Variants in YES1 observed in about 807,000 individuals in gnomAD.
YES1 encodes YES proto-oncogene 1, Src family tyrosine kinase, also known as tyrosine-protein kinase Yes.
YES1 carries 39 observed loss-of-function variants against 70.4 expected under a neutral mutation model. The observed-to-expected ratio is 0.55, with a 90% CI of 0.43 to 0.72. The LOEUF (loss-of-function observed/expected upper bound fraction) is 0.72, where lower values mean the gene tolerates loss of function less well. YES1 is among the 30% of genes least tolerant of loss of function. The probability of loss-of-function intolerance (pLI) is 0.00; values close to 1 mark genes in which losing one functional copy is unlikely to be tolerated. For missense variants in YES1, 495 were observed against 644.8 expected (o/e 0.77, Z 2.52); for synonymous variants, 198 against 218.6 (o/e 0.91, Z 0.83).
intron 11 of YES1, among the ~76,000 whole-genome samples, chr18:729,938 T>C (rs938670445): frequency 1.3e-5 from 2 of 152,224 alleles, no homozygotes; most frequent in African/African-American, 4.8e-5. Flanking sequence ...TTTTGAACTC[T>C]TGATAATCAG....
intron 1 of YES1, among the ~76,000 whole-genome samples, chr18:770,693 T>G (rs1905113990): frequency 6.6e-6 from 1 of 152,146 alleles, no homozygotes; most frequent in Non-Finnish European, 1.5e-5. Flanking sequence ...AAAGCTCACT[T>G]TGTTTGTTTC....
At chr18:753,666 T>G (rs1361981139) in intron 2 of YES1, among the ~76,000 whole-genome samples, 1 of 151,912 alleles carries the variant, frequency 6.6e-6, no homozygotes, top group Non-Finnish European at 1.5e-5. Context: ...TTGTATTTTT[T>G]GTAGAGATGG....
At chr18:735,161 C>CAAAAAAAA (rs71174281) in intron 10 of YES1, among the ~76,000 whole-genome samples, 10,060 of 109,916 alleles carry the variant, frequency 0.092, 717 homozygotes, top group Admixed American at 0.18. Context: ...TGTCTCAAAG[C>CAAAAAAAA]AAAAAAAAAA....
Position 784,165 on chromosome 18 carries a change from C to A in YES1, c.-8-27330G>T, listed in dbSNP as rs115828576. Among the ~76,000 whole-genome samples the A allele has an allele frequency of 6.7e-3, 1,022 of 152,094 alleles. 11 individuals are homozygous for A. Among genetic ancestry groups the A allele is most frequent in the Middle Eastern group, 0.024 (7 of 294 alleles). The stretch of plus-strand genomic sequence containing the variant: ...TACTAAATAAAATGTCTAATTTATT[C>A]TCATATTTAAGAAGAATTAAGATGA... On this transcript the variant is annotated intron_variant, in intron 1 of 11. Coordinates refer to ENST00000314574, the MANE Select transcript of YES1 (RefSeq NM_005433.4).
At chr18:730,230 T>C (rs2080072014) in intron 11 of YES1, among the ~76,000 whole-genome samples, 1 of 152,128 alleles carries the variant, frequency 6.6e-6, no homozygotes, top group African/African-American at 2.4e-5. Flanking sequence ...CAGCACTCTG[T>C]AGCCTCTGAA....
intron 1 of YES1, among the ~76,000 whole-genome samples, chr18:808,514 A>C (rs1240234142): frequency 6.6e-6 from 1 of 152,242 alleles, no homozygotes; most frequent in African/African-American, 2.4e-5. Context: ...GTGCCTCGCT[A>C]TAGGACTTAT....
intron 1 of YES1, chr18:788,087 T>C (rs1291839212): frequency 3.3e-5 from 5 of 152,210 alleles, no homozygotes; most frequent in Non-Finnish European, 7.3e-5. Context: ...CACATCCATT[T>C]ACATGTTTAA....
intron 1 of YES1, among the ~76,000 whole-genome samples, chr18:763,652 T>A (rs536698698): frequency 7.0e-6 from 1 of 142,134 alleles, no homozygotes; most frequent in African/African-American, 2.6e-5. Flanking sequence ...TGCAGTGAGC[T>A]GTGATCGTGC....
At chr18:809,775 C>A (rs1045975641) in intron 1 of YES1, among the ~76,000 whole-genome samples, 19 of 150,378 alleles carry the variant, frequency 1.3e-4, no homozygotes, top group East Asian at 7.9e-4. Flanking sequence ...AAAAAAACAA[C>A]AACAAATTCA....
chr18:737,271 G>A (rs770444209), intron 9 of YES1: 7 of 194,540 alleles, frequency 3.6e-5, no homozygotes, highest in African/African-American at 1.4e-4. Flanking sequence ...TGGCCAACAC[G>A]GTGAAACCCT....
intron 1 of YES1, among the ~76,000 whole-genome samples, chr18:789,154 G>A (rs1906112734): frequency 6.6e-6 from 1 of 152,192 alleles, no homozygotes; most frequent in South Asian, 2.1e-4. Context: ...ACTGATAACA[G>A]AACATATGCT....
intron 6 of YES1, among the ~76,000 whole-genome samples, chr18:744,573 A>G (rs556895656): frequency 6.6e-6 from 1 of 151,034 alleles, no homozygotes; most frequent in Admixed American, 6.6e-5. Context: ...TTATATTTTA[A>G]TAGATAGGGT....
chr18:725,632 T>C (rs2080009130), intron 11 of YES1, among the ~76,000 whole-genome samples: 1 of 152,182 alleles, frequency 6.6e-6, no homozygotes, highest in Non-Finnish European at 1.5e-5. Context: ...CTCTCGTCTG[T>C]AATCCTGGCG....
intron 1 of YES1, among the ~76,000 whole-genome samples, chr18:765,430 G>A (rs1361695991): frequency 1.0e-4 from 14 of 135,410 alleles, no homozygotes; most frequent in South Asian, 2.3e-4. Flanking sequence ...ACGGAGTCTC[G>A]CTCTGTCGCC....
chr18:786,578 C>T (rs905286147), intron 1 of YES1, among the ~76,000 whole-genome samples: 1 of 151,258 alleles, frequency 6.6e-6, no homozygotes, highest in African/African-American at 2.4e-5. Context: ...TTTATGAATT[C>T]ACCTGCTTGC....
At chr18:772,727 C>T (rs963866320) in intron 1 of YES1, among the ~76,000 whole-genome samples, 6 of 152,152 alleles carry the variant, frequency 3.9e-5, no homozygotes, top group Non-Finnish European at 7.3e-5. Context: ...GCACCACGCC[C>T]GGCCAGCATC....
At position 731,823 on chromosome 18, in the gene YES1, T is replaced by C. The variant is rs559195677; in HGVS notation, c.1423+1011A>G. On this transcript the variant is annotated intron_variant, in intron 11 of 11. Transcript: ENST00000314574. ...TCTACTAAAAATACAAAAAATTAGC[T>C]GGGCGTGGTGGCGGGTGCCTATAGT... is the stretch of plus-strand genomic sequence containing the variant. Among the ~76,000 whole-genome samples, 878 of 151,908 alleles carry C rather than the reference T, an allele frequency of 5.8e-3. 9 individuals carry two copies. The highest frequency in any genetic ancestry group is 0.02 in the African/African-American group (828 of 41,448).
chr18:766,929 G>A (rs560821852), intron 1 of YES1, among the ~76,000 whole-genome samples: 33 of 152,178 alleles, frequency 2.2e-4, no homozygotes, highest in African/African-American at 7.5e-4. Context: ...GGTTGCCTTT[G>A]CATTTCCATA....
chr18:811,922 T>C (rs959538429), intron 1 of YES1, among the ~76,000 whole-genome samples, 192 bp downstream of exon 1: 8 of 151,882 alleles, frequency 5.3e-5, no homozygotes, highest in African/African-American at 1.9e-4. Flanking sequence ...GGCGAGCAGG[T>C]AGCGCGGGGA....
Sources: gnomAD v4.1 joint callset for allele counts (sites outside exome capture counted in the v4.1 genomes callset) on GRCh38, gnomAD v4.1.1 for gene constraint, MANE v1.5 for transcripts, NCBI Gene and HGNC (gene_info 2026-07-23, HGNC 2026-07-21) for gene names.